The following ERICH5 variants were observed in gnomAD, a reference collection of about 807,000 sequenced individuals.
ERICH5 encodes the protein glutamate rich 5.
A neutral mutation model predicts 28.0 loss-of-function variants in ERICH5; 24 were observed. The ratio of observed to expected loss-of-function variants is 0.86; its 90% confidence interval spans 0.62 to 1.21. The LOEUF (loss-of-function observed/expected upper bound fraction) is 1.21. ERICH5 is among the 50% of genes most tolerant of loss of function. The pLI is 0.00. For synonymous variants in ERICH5, 163 were observed against 157.6 expected (o/e 1.03, Z -0.25); for missense variants, 421 against 441.2 (o/e 0.95, Z 0.41).
Position 98,089,518 on chromosome 8 carries a change from G to A in ERICH5, c.501G>A (p.Lys167=), listed in dbSNP as rs769429935. 9.3e-6 allele frequency: 15 copies of A among 1,614,058 alleles called. No individual in the cohort carries two copies. Among genetic ancestry groups the A allele is most frequent in the East Asian group, 8.9e-5 (4 of 44,900 alleles). ...KGQPLQAAVE[K]DSLRAVEVTE... is the part of the protein sequence containing the mutation. The stretch of plus-strand genomic sequence containing the variant: ...AGCCTTTGCAGGCAGCAGTAGAGAA[G>A]GACTCTCTCAGAGCAGTGGAGGTCA... The change falls in exon 2 of 3, where the codon AAG becomes AAA. Residue 167 remains lysine, a synonymous_variant. Coordinates refer to ENST00000318528, the MANE Select transcript of ERICH5 (RefSeq NM_173549.3).
chr8:98,073,256 T>C (rs1008424591), intron 1 of ERICH5, among the ~76,000 whole-genome samples: 1 of 150,656 alleles, frequency 6.6e-6, no homozygotes, highest in African/African-American at 2.4e-5. Flanking sequence ...GAGGAATAAA[T>C]AAGTTAATAC....
At chr8:98,072,844 C>T (rs149787124) in intron 1 of ERICH5, among the ~76,000 whole-genome samples, 1 of 151,992 alleles carries the variant, frequency 6.6e-6, no homozygotes, top group Non-Finnish European at 1.5e-5. Flanking sequence ...TTATAATGAA[C>T]CTTTTGTCTT....
intron 1 of ERICH5, among the ~76,000 whole-genome samples, chr8:98,084,624 A>C (rs1000754820): frequency 6.6e-6 from 1 of 150,788 alleles, no homozygotes; most frequent in Non-Finnish European, 1.5e-5. Flanking sequence ...CAGGTGATCC[A>C]CCCGTCTCAG....
intron 2 of ERICH5, among the ~76,000 whole-genome samples, chr8:98,091,857 TTTC>T (rs1382740769): frequency 1.2e-5 from 1 of 86,872 alleles, no homozygotes; most frequent in Non-Finnish European, 2.3e-5. Flanking sequence ...TCTTTCTTTC[TTTC>T]TTTCTTTCTT....
chr8:98,091,897 T>TTTCTTTCTTTCTTTCTTTCTTTC (rs1554621694), intron 2 of ERICH5, among the ~76,000 whole-genome samples: 1 of 45,462 alleles, frequency 2.2e-5, no homozygotes, highest in Admixed American at 2.8e-4. Context: ...TCTTTCTTTC[T>TTTCTTTCTTTCTTTCTTTCTTTC]TTCCTTTCTT....
intron 2 of ERICH5, among the ~76,000 whole-genome samples, chr8:98,092,894 G>GC (rs957340502): frequency 5.9e-5 from 9 of 151,314 alleles, no homozygotes; most frequent in Middle Eastern, 3.4e-3. Context: ...TCTTGCCTCA[G>GC]CCCCCCGAGT....
intron 2 of ERICH5, among the ~76,000 whole-genome samples, chr8:98,092,188 T>C (rs760944420): frequency 2.6e-5 from 4 of 151,646 alleles, no homozygotes; most frequent in Non-Finnish European, 5.9e-5. Context: ...TAAAAAATTA[T>C]TACTTTTGAG....
At position 98,089,118 on chromosome 8, in the gene ERICH5, C is replaced by A; in HGVS notation, c.101C>A (p.Ser34Tyr). ...TTTTCAACTGCAGAAGAAAGTGAGT[C>A]CTGCTTTGCCCAACCAAAGCCACAT... ...EHFSTAEESE[S>Y]CFAQPKPHAL... The change falls in exon 2 of 3, where the codon TCC becomes TAC. Residue 34 changes from serine to tyrosine, a missense_variant. Ser to Tyr is a moderately radical substitution (Grantham distance 144). Coordinates refer to ENST00000318528, the MANE Select transcript of ERICH5 (RefSeq NM_173549.3). 1 of 1,613,860 alleles carries A rather than the reference C, an allele frequency of 6.2e-7. No individual in the cohort carries two copies. Among genetic ancestry groups the A allele is most frequent in the South Asian group, 1.1e-5 (1 of 90,972 alleles).
chr8:98,093,386 G>A lies in ERICH5; in HGVS notation c.*53G>A. The A allele has an allele frequency of 1.6e-6, 2 of 1,229,264 alleles. No homozygotes were observed. The highest frequency in any genetic ancestry group is 1.9e-4 in the Middle Eastern group (1 of 5,276). The allele number at this position is 1,229,264 out of a possible 1,614,324, so 76.1% of individuals were successfully genotyped here. A position where few individuals can be genotyped will look rare whatever the true frequency, so the allele number is the denominator to read the frequency against. On this transcript the variant is annotated 3_prime_UTR_variant, in exon 3 of 3. Transcript: ENST00000318528. The stretch of plus-strand genomic sequence containing the variant: ...TATCATAGAGGAGACAAAAATGGTA[G>A]TGAAGCTTGTGGTTATGTATCTTAT...
intron 1 of ERICH5, among the ~76,000 whole-genome samples, chr8:98,072,219 C>T (rs1394175165): frequency 6.6e-6 from 1 of 152,180 alleles, no homozygotes; most frequent in Admixed American, 6.5e-5. Context: ...TTTCTCCTAG[C>T]CTTTAGGGCA....
chr8:98,081,128 C>T (rs886588420), intron 1 of ERICH5, among the ~76,000 whole-genome samples: 2 of 151,380 alleles, frequency 1.3e-5, no homozygotes, highest in African/African-American at 2.4e-5. Flanking sequence ...TTTCTTGAAA[C>T]AGGGTCTTGC....
intron 1 of ERICH5, among the ~76,000 whole-genome samples, chr8:98,075,513 C>G (rs1815033025): frequency 6.6e-6 from 1 of 152,032 alleles, no homozygotes; most frequent in Admixed American, 6.6e-5. Context: ...ATTATGTTTC[C>G]TAAGCATGGA....
In ERICH5 at chr8:98,084,941, C is replaced by T. The variant is rs568874275; in HGVS notation, c.59-4135C>T. Among the ~76,000 whole-genome samples, 32 of 152,008 alleles carry T rather than the reference C, an allele frequency of 2.1e-4. 1 individual carries two copies. The East Asian group carries it at 6.2e-3, about 29-fold the overall frequency. On this transcript the variant is annotated intron_variant, in intron 1 of 2. Coordinates refer to ENST00000318528, the MANE Select transcript of ERICH5 (RefSeq NM_173549.3). ...CCAATCCCAGTCTCCAAAGAGCCACCGTTCTGCTTTCTACCACTGTAGATA... is the reference window on the plus strand; with the variant it reads ...CCAATCCCAGTCTCCAAAGAGCCACTGTTCTGCTTTCTACCACTGTAGATA...
At chr8:98,071,343 C>T (rs945055298) in intron 1 of ERICH5, among the ~76,000 whole-genome samples, 1 of 152,162 alleles carries the variant, frequency 6.6e-6, no homozygotes, top group Non-Finnish European at 1.5e-5. Context: ...TACAGTTTCA[C>T]TTCTATGTTA....
At chr8:98,090,117 G>C in intron 2 of ERICH5, 88 bp downstream of exon 2, 1 of 936,632 alleles carries the variant, frequency 1.1e-6, no homozygotes, top group South Asian at 1.8e-5. Flanking sequence ...CTGACACACA[G>C]TCCCTGAAGT....
intron 1 of ERICH5, among the ~76,000 whole-genome samples, chr8:98,078,734 C>CTGTTGT (rs1815108692): frequency 6.6e-6 from 1 of 152,126 alleles, no homozygotes; most frequent in African/African-American, 2.4e-5. Flanking sequence ...GATCAATTTA[C>CTGTTGT]AACAGAATCA....
At chr8:98,076,495 G>A (rs1815058428) in intron 1 of ERICH5, among the ~76,000 whole-genome samples, 1 of 151,594 alleles carries the variant, frequency 6.6e-6, no homozygotes, top group Non-Finnish European at 1.5e-5. Context: ...ACTCCCCAGC[G>A]TGGAGCTCAC....
chr8:98,084,284 T>C (rs1211222389), intron 1 of ERICH5, among the ~76,000 whole-genome samples: 1 of 152,172 alleles, frequency 6.6e-6, no homozygotes, highest in Non-Finnish European at 1.5e-5. Flanking sequence ...TTATGTCCAG[T>C]CATTTTTACT....
In ERICH5 at chr8:98,064,568, A is replaced by C; in HGVS notation, c.-102A>C. On this transcript the variant is annotated 5_prime_UTR_variant, in exon 1 of 3. Coordinates refer to ENST00000318528, the MANE Select transcript of ERICH5 (RefSeq NM_173549.3). ...TCTACGCCCAAGGGAGCCGGGCTGC[A>C]GAGCTGGAGAAACTTCCGCGGCTAC... 2 of 1,023,390 alleles carry C rather than the reference A, an allele frequency of 2.0e-6. No individual in the cohort carries two copies. The highest frequency in any genetic ancestry group is 1.8e-5 in the South Asian group (1 of 54,170). 63.4% of individuals were successfully genotyped at this position (1,023,390 alleles called of 1,614,324 possible).
Sources: allele counts gnomAD v4.1 joint callset (sites outside exome capture counted in the v4.1 genomes callset), GRCh38; gene constraint gnomAD v4.1.1; transcripts MANE v1.5; gene names NCBI Gene and HGNC (gene_info 2026-07-23, HGNC 2026-07-21).